Variants in TEKTL1 observed in about 807,000 individuals in gnomAD.
TEKTL1 encodes tektin like 1, also known as tektin-like protein 1.
At chr19:15,011,953 T>C in the TEKTL1 span, among the ~76,000 whole-genome samples, 2 of 152,002 alleles carry the variant, frequency 1.3e-5, no homozygotes, top group African/African-American at 4.8e-5. Flanking sequence ...AACCTGTCTC[T>C]ACCAAAAATT....
At chr19:15,014,680 G>C in the TEKTL1 span, among the ~76,000 whole-genome samples, 2 of 137,642 alleles carry the variant, frequency 1.5e-5, no homozygotes, top group African/African-American at 5.2e-5. Flanking sequence ...GAGAAGAAGG[G>C]ACAGGCTGGG....
the TEKTL1 span, chr19:15,020,480 A>G: frequency 6.2e-7 from 1 of 1,612,754 alleles, no homozygotes; most frequent in East Asian, 2.2e-5. Flanking sequence ...TCCTGCCGAG[A>G]CACTCTGAAC....
the TEKTL1 span, chr19:15,010,748 G>A: frequency 2.1e-6 from 3 of 1,426,046 alleles, no homozygotes; most frequent in East Asian, 7.5e-5. Context: ...CTACAGGCCA[G>A]GAAAGAGTTG....
chr19:15,022,375 C>T, the TEKTL1 span, among the ~76,000 whole-genome samples: 3 of 152,130 alleles, frequency 2.0e-5, no homozygotes, highest in Non-Finnish European at 4.4e-5. Flanking sequence ...GTCGCCCAGG[C>T]TGGAGTGCAG....
chr19:15,020,924 G>C, the TEKTL1 span, among the ~76,000 whole-genome samples: 1 of 148,776 alleles, frequency 6.7e-6, no homozygotes, highest in East Asian at 2.0e-4. Context: ...CTGTCACCCA[G>C]GCTGGAGTGC....
At chr19:15,011,086 G>T in the TEKTL1 span, 1 of 1,570,108 alleles carries the variant, frequency 6.4e-7, no homozygotes, top group Non-Finnish European at 8.6e-7. Context: ...TGGAGAAGCC[G>T]CCGCCAGGCG....
the TEKTL1 span, chr19:15,013,806 G>A: frequency 1.4e-6 from 2 of 1,443,336 alleles, no homozygotes; most frequent in East Asian, 2.3e-5. Flanking sequence ...AAGTTACGGG[G>A]GCTGGAGGGG....
chr19:15,020,694 C>T, the TEKTL1 span: 2 of 1,551,006 alleles, frequency 1.3e-6, no homozygotes, highest in Non-Finnish European at 1.8e-6. Context: ...TATTGGTGCC[C>T]ACCCAGATCC....
chr19:15,021,543 G>A, the TEKTL1 span: 55 of 1,613,268 alleles, frequency 3.4e-5, no homozygotes, highest in Non-Finnish European at 4.2e-6. Flanking sequence ...CTGCGGCTGC[G>A]GGCCAGGGTG....
chr19:15,013,669 T>G, the TEKTL1 span: 8 of 1,609,698 alleles, frequency 5.0e-6, no homozygotes, highest in Non-Finnish European at 6.8e-6. Flanking sequence ...CCTCGTTTTC[T>G]AGGTCCCTGA....
chr19:15,015,464 C>T, the TEKTL1 span, among the ~76,000 whole-genome samples: 1 of 152,200 alleles, frequency 6.6e-6, no homozygotes, highest in Admixed American at 6.5e-5. Flanking sequence ...CTTCCTTGCT[C>T]TACGGTGATT....
the TEKTL1 span, chr19:15,021,363 GGC>G: frequency 3.7e-6 from 6 of 1,614,164 alleles, no homozygotes; most frequent in Non-Finnish European, 4.2e-6. Flanking sequence ...CGTGCGCCTT[GGC>G]GCTAAACGAA....
At chr19:15,022,591 A>G in the TEKTL1 span, among the ~76,000 whole-genome samples, 1 of 152,052 alleles carries the variant, frequency 6.6e-6, no homozygotes, top group Non-Finnish European at 1.5e-5. Context: ...GGCCTCCCAA[A>G]GTGCTGGGAT....
At chr19:15,011,494 G>A in the TEKTL1 span, 5 of 1,119,926 alleles carry the variant, frequency 4.5e-6, no homozygotes, top group East Asian at 9.5e-5. Context: ...CATACTTTGG[G>A]AGGCCAAGGC....
chr19:15,019,489 A>C, the TEKTL1 span, among the ~76,000 whole-genome samples: 1 of 152,214 alleles, frequency 6.6e-6, no homozygotes, highest in Non-Finnish European at 1.5e-5. Context: ...ATCACATTGC[A>C]TGCCATAAAT....
At chr19:15,013,754 A>G in the TEKTL1 span, 2 of 1,612,992 alleles carry the variant, frequency 1.2e-6, no homozygotes, top group African/African-American at 1.3e-5. Flanking sequence ...AGAGATATGG[A>G]AAAATCAGAG....
the TEKTL1 span, chr19:15,021,258 G>A: frequency 8.0e-6 from 12 of 1,497,212 alleles, no homozygotes; most frequent in Non-Finnish European, 1.1e-5. Flanking sequence ...AAACCCCCTC[G>A]CCCAGGGCCC....
chr19:15,015,363 A>G, the TEKTL1 span, among the ~76,000 whole-genome samples: 3 of 152,174 alleles, frequency 2.0e-5, no homozygotes, highest in East Asian at 1.9e-4. Flanking sequence ...TTTCCCAGAT[A>G]CCTCGCCTTA....
the TEKTL1 span, chr19:15,013,595 CCT>C: frequency 9.0e-7 from 1 of 1,108,376 alleles, no homozygotes; most frequent in African/African-American, 1.6e-5. Context: ...GCTGGCAAAC[CCT>C]CTACCACCCT....
Sources: allele counts gnomAD v4.1 joint callset (sites outside exome capture counted in the v4.1 genomes callset), GRCh38; gene constraint gnomAD v4.1.1; transcripts MANE v1.5; gene names NCBI Gene and HGNC (gene_info 2026-07-23, HGNC 2026-07-21).